CACNA1C: variants seen among roughly 807,000 people sequenced by gnomAD.
CACNA1C encodes calcium voltage-gated channel subunit alpha1 C.
In CACNA1C, 30 loss-of-function variants were observed where a neutral mutation model predicts 229.0. That is an observed-to-expected ratio of 0.13 (90% confidence interval 0.10 to 0.18). CACNA1C has a LOEUF of 0.18. CACNA1C is among the 10% of genes least tolerant of loss of function. CACNA1C has a pLI of 1.00. For missense variants in CACNA1C, 1,658 were observed against 2,845.0 expected, an observed-to-expected ratio of 0.58 and a Z score of 9.49; for synonymous variants, 1,114 against 1,132.5, an observed-to-expected ratio of 0.98 and a Z score of 0.33.
Position 2,053,425 on chromosome 12 carries a change from G to A in CACNA1C, c.-138G>A. 1 of 1,420,594 alleles carries A rather than the reference G, an allele frequency of 7.0e-7. No homozygotes were observed. Among genetic ancestry groups the A allele is most frequent in the Non-Finnish European group, 9.3e-7 (1 of 1,080,096 alleles). The allele number at this position is 1,420,594 out of a possible 1,614,324, so 88.0% of individuals were successfully genotyped here. A position where few individuals can be genotyped will look rare whatever the true frequency, so the allele number is the denominator to read the frequency against. On this transcript the variant is annotated 5_prime_UTR_variant, in exon 1 of 47. Coordinates refer to ENST00000399655, the MANE Select transcript of CACNA1C (RefSeq NM_000719.7). This position sits in a 1 kb window ranked among gnomAD's most constrained non-coding sequence, Gnocchi z 5.8. Reference sequence around the variant, plus strand: ...TAATCGTCGGCGGGGAAGAAGAAACGCTGCAGACCACGGCTTCCTCGAATC... The same window carrying A: ...TAATCGTCGGCGGGGAAGAAGAAACACTGCAGACCACGGCTTCCTCGAATC...
chr12:2,233,191 C>T (rs532324854), intron 3 of CACNA1C, among the ~76,000 whole-genome samples: 24 of 152,316 alleles, frequency 1.6e-4, no homozygotes, highest in African/African-American at 5.8e-4. Context: ...CTCATCATAT[C>T]AGGACCAGTT....
At chr12:2,634,962 A>G (rs2092254328) in intron 30 of CACNA1C, among the ~76,000 whole-genome samples, 1 of 152,156 alleles carries the variant, frequency 6.6e-6, no homozygotes, top group African/African-American at 2.4e-5. Context: ...ATTTAACATC[A>G]GCAGCCCATG....
chr12:2,512,990 C>A lies in CACNA1C; in HGVS notation c.1390+6C>A. The A allele has an allele frequency of 6.3e-7, 1 of 1,591,518 alleles. No homozygotes were observed. On this transcript the variant is annotated splice_donor_region_variant and intron_variant, in intron 9 of 46. Transcript: ENST00000399655. This position sits in a 1 kb window ranked among gnomAD's most constrained non-coding sequence, Gnocchi z 4.3. ...TGAGGAGAAGCCCCGAAACAGTGAGCAGCCGTCTTCTTCTGTGTTTGGGCT... is the reference window on the plus strand; with the variant it reads ...TGAGGAGAAGCCCCGAAACAGTGAGAAGCCGTCTTCTTCTGTGTTTGGGCT...
At chr12:2,687,172 G>A (rs939746925) in intron 45 of CACNA1C, among the ~76,000 whole-genome samples, 2 of 152,186 alleles carry the variant, frequency 1.3e-5, no homozygotes, top group Admixed American at 1.3e-4. Context: ...ACTTTTCTCA[G>A]ATTCCCAGGG....
intron 3 of CACNA1C, among the ~76,000 whole-genome samples, chr12:2,409,964 G>A (rs1361157808): frequency 1.3e-5 from 2 of 152,228 alleles, no homozygotes; most frequent in Admixed American, 1.3e-4. Context: ...GAGAACTAGT[G>A]GAAGGGAGAG....
At chr12:2,549,805 A>G in intron 9 of CACNA1C, 138 bp from the exon 10 acceptor site, 1 of 674,024 alleles carries the variant, frequency 1.5e-6, no homozygotes, top group Non-Finnish European at 2.7e-6. Flanking sequence ...TGTGCAGATC[A>G]GCCAGCCAGC....
intron 1 of CACNA1C, among the ~76,000 whole-genome samples, chr12:1,989,287 T>A (rs1266257757): frequency 6.6e-6 from 1 of 152,184 alleles, no homozygotes; most frequent in Non-Finnish European, 1.5e-5. Flanking sequence ...AATGAGGCTA[T>A]GACCAATGCC....
chr12:2,639,897 C>T lies in CACNA1C; in HGVS notation c.3912+5517C>T, dbSNP rs1162806997. Among the ~76,000 whole-genome samples the T allele has an allele frequency of 2.0e-5, 3 of 152,064 alleles. No individual in the cohort carries two copies. The highest frequency in any genetic ancestry group is 1.9e-4 in the East Asian group (1 of 5,198). Reference sequence around the variant, plus strand: ...AGAAAAGGAGCAGGAGAAAGACCTTCGGGGAGCAGAGCAGGCACAGGGAGG... The same window carrying T: ...AGAAAAGGAGCAGGAGAAAGACCTTTGGGGAGCAGAGCAGGCACAGGGAGG... On this transcript the variant is annotated intron_variant, in intron 30 of 46. Coordinates refer to ENST00000399655, the MANE Select transcript of CACNA1C (RefSeq NM_000719.7). This position sits in a 1 kb window ranked among gnomAD's most constrained non-coding sequence, Gnocchi z 4.2.
At chr12:2,122,793 A>G (rs1350005593) in intron 3 of CACNA1C, among the ~76,000 whole-genome samples, 3 of 152,196 alleles carry the variant, frequency 2.0e-5, no homozygotes, top group Admixed American at 6.5e-5. Context: ...AAGCCTTTCC[A>G]AAGGCCTGGC....
intron 1 of CACNA1C, among the ~76,000 whole-genome samples, chr12:2,003,357 TAAG>T (rs927940695): frequency 5.3e-5 from 8 of 152,256 alleles, no homozygotes; most frequent in African/African-American, 1.9e-4. Flanking sequence ...TCATCAAGGC[TAAG>T]TTCTCCATAC....
In CACNA1C at chr12:2,340,652, G is replaced by A. The variant is rs1567137708; in HGVS notation, c.478-108324G>A. ...GAGGAGATTGATTTGATCCATAGCT[G>A]AAGTTTCCTTGAAAAAAGACACTGG... On this transcript the variant is annotated intron_variant, in intron 3 of 46. Transcript: ENST00000399655. Among the ~76,000 whole-genome samples, 4 of 152,198 alleles carry A rather than the reference G, an allele frequency of 2.6e-5. No individual in the cohort carries two copies. In the South Asian group the frequency reaches 8.3e-4, roughly 32 times the overall value.
chr12:2,531,484 C>T (rs922453537), intron 9 of CACNA1C, among the ~76,000 whole-genome samples: 19 of 152,212 alleles, frequency 1.2e-4, no homozygotes, highest in African/African-American at 4.6e-4. Flanking sequence ...GTCTGTTAAT[C>T]TTTCTGCATT....
chr12:2,468,596 G>T (rs2099572849), intron 5 of CACNA1C, among the ~76,000 whole-genome samples: 1 of 152,238 alleles, frequency 6.6e-6, no homozygotes, highest in Admixed American at 6.5e-5. Context: ...GAATCACATT[G>T]CTTCTGGGCT....
At chr12:2,513,072 C>A in intron 9 of CACNA1C, 88 bp downstream of exon 9, 1 of 1,130,314 alleles carries the variant, frequency 8.8e-7, no homozygotes. Context: ...GACCGCCACC[C>A]TTTCTTAGAA....
chr12:2,127,648 A>T (rs1425018253), intron 3 of CACNA1C, among the ~76,000 whole-genome samples: 1 of 152,180 alleles, frequency 6.6e-6, no homozygotes, highest in African/African-American at 2.4e-5. Flanking sequence ...AATGAGCTTG[A>T]CACAGCGCAT....
At chr12:1,990,561 G>A (rs1263077530) in intron 1 of CACNA1C, among the ~76,000 whole-genome samples, 1 of 150,998 alleles carries the variant, frequency 6.6e-6, no homozygotes, top group African/African-American at 2.4e-5. Context: ...CTCTCCTAAT[G>A]AATCTAAAAA....
intron 3 of CACNA1C, among the ~76,000 whole-genome samples, chr12:2,402,458 A>C (rs1265666076): frequency 6.6e-6 from 1 of 152,242 alleles, no homozygotes; most frequent in African/African-American, 2.4e-5. Flanking sequence ...AGGAGGTGGC[A>C]CTGCAGGCGG....
chr12:2,540,093 A>G (rs896185412), intron 9 of CACNA1C, among the ~76,000 whole-genome samples: 1 of 152,106 alleles, frequency 6.6e-6, no homozygotes, highest in Admixed American at 6.5e-5. Flanking sequence ...TGGGGAGCGA[A>G]CGCCCCACCT....
Position 2,140,868 on chromosome 12 carries a change from C to T in CACNA1C, c.477+20438C>T, listed in dbSNP as rs575389716. Reference sequence around the variant, plus strand: ...TCTTATGATGCCAGCCAATAAACAACTGGCAACTTCATACACACCATGCTT... The same window carrying T: ...TCTTATGATGCCAGCCAATAAACAATTGGCAACTTCATACACACCATGCTT... On this transcript the variant is annotated intron_variant, in intron 3 of 46. Coordinates refer to ENST00000399655, the MANE Select transcript of CACNA1C (RefSeq NM_000719.7). 1.3e-4 allele frequency among the ~76,000 whole-genome samples: 19 copies of T among 151,540 alleles called. 1 individual carries two copies. Among genetic ancestry groups the T allele is most frequent in the Non-Finnish European group, 2.1e-4 (14 of 67,726 alleles).
Sources: gnomAD v4.1 joint callset for allele counts (sites outside exome capture counted in the v4.1 genomes callset) on GRCh38, gnomAD v4.1.1 for gene constraint, Gnocchi (gnomAD v3.1) non-coding constraint, MANE v1.5 for transcripts, NCBI Gene and HGNC (gene_info 2026-07-23, HGNC 2026-07-21) for gene names.